Variants in DCHS1 observed in about 807,000 individuals in gnomAD.
The protein encoded by DCHS1 is protocadherin-16.
DCHS1 carries 78 observed loss-of-function variants against 213.9 expected under a neutral mutation model. That is an observed-to-expected ratio of 0.36 (90% CI 0.30 to 0.44). The LOEUF is 0.44. Among genes scored for constraint, DCHS1 ranks in the 20% least tolerant of loss-of-function variants. The pLI is 1.00. For synonymous variants in DCHS1, 1,828 were observed against 1,873.7 expected, an observed-to-expected ratio of 0.98 and a Z score of 0.63; for missense variants, 3,946 against 4,395.9, an observed-to-expected ratio of 0.90 and a Z score of 2.89.
At position 6,626,380 on chromosome 11, in the gene DCHS1, C is replaced by G. The variant is rs1855804498; in HGVS notation, c.6365G>C (p.Gly2122Ala). 1 of 1,612,882 alleles carries G rather than the reference C, an allele frequency of 6.2e-7. No individual in the cohort carries two copies. Among genetic ancestry groups the G allele is most frequent in the Non-Finnish European group, 8.5e-7 (1 of 1,179,462 alleles). Residue 2122 changes from glycine (G) to alanine (A), a missense_variant and splice_region_variant, in exon 16 of 21, where the codon GGT (glycine) becomes GCT (alanine). By Grantham distance (60) the Gly-to-Ala change is moderately conservative (BLOSUM62 0). This residue lies in a region of DCHS1 where 3,384 missense variants were observed against 3,780.1 expected (regional missense o/e 0.90). Coordinates refer to ENST00000299441, the MANE Select transcript of DCHS1 (RefSeq NM_003737.4). The surrounding 1 kb of genome is among the most constrained non-coding windows in gnomAD (Gnocchi z 5.2). Reference protein sequence around the residue: ...KGTFSIQPSTGAITVRSAEGL... With the variant: ...KGTFSIQPSTAAITVRSAEGL... ...CTCTGCTGAGCGAACTGTGATGGCA[C>G]CTGGGCGAGATAGAATGCATCAGTG... is the stretch of plus-strand genomic sequence containing the variant.
chr11:6,629,130 G>A (rs759624704), intron 12 of DCHS1, among the ~76,000 whole-genome samples: 1 of 152,234 alleles, frequency 6.6e-6, no homozygotes, highest in Non-Finnish European at 1.5e-5. Flanking sequence ...GCATGAGCTT[G>A]AGCAAGTCAC....
At chr11:6,643,921 T>C (rs901093648) in intron 1 of DCHS1, among the ~76,000 whole-genome samples, 1 of 152,166 alleles carries the variant, frequency 6.6e-6, no homozygotes, top group African/African-American at 2.4e-5. Flanking sequence ...CTTGTGTCCT[T>C]GCTTATCCTC....
chr11:6,631,604 C>A lies in DCHS1; in HGVS notation c.3675+12G>T. The stretch of plus-strand genomic sequence containing the variant: ...CACACTTCTCAGGACAAAGTCCTGC[C>A]ACTTCACATACCTGTATAGGGAGGC... On this transcript the variant is annotated intron_variant, in intron 7 of 20. Transcript: ENST00000299441. The A allele has an allele frequency of 6.4e-7, 1 of 1,563,646 alleles. No individual in the cohort carries two copies. The highest frequency in any genetic ancestry group is 1.9e-4 in the Middle Eastern group (1 of 5,334).
At chr11:6,653,701 G>A (rs905125260) in intron 1 of DCHS1, among the ~76,000 whole-genome samples, 1 of 152,120 alleles carries the variant, frequency 6.6e-6, no homozygotes, top group Admixed American at 6.5e-5. Flanking sequence ...CTAGTTAGGG[G>A]CAATAATTTG....
chr11:6,626,463 G>T lies in DCHS1; in HGVS notation c.6365-83C>A, dbSNP rs1855806113. 6.2e-7 allele frequency: 1 copy of T among 1,603,020 alleles called. No homozygotes were observed. On this transcript the variant is annotated intron_variant, in intron 15 of 20. Transcript: ENST00000299441. This position sits in a 1 kb window ranked among gnomAD's most constrained non-coding sequence, Gnocchi z 5.2. ...CTCTAAGACCCCTTACTCAAGGACAGCCCTTCACCCATCAAAGGCTCCTCT... is the reference window on the plus strand; with the variant it reads ...CTCTAAGACCCCTTACTCAAGGACATCCCTTCACCCATCAAAGGCTCCTCT...
chr11:6,630,533 G>C lies in DCHS1; in HGVS notation c.4261C>G (p.Arg1421Gly). The change falls in exon 10 of 21, where the codon CGA becomes GGA. Residue 1421 changes from arginine (R) to glycine (G), a missense_variant. Physicochemically the swap from Arg to Gly is moderately radical, Grantham distance 125. This residue lies in a region of DCHS1 where 3,384 missense variants were observed against 3,780.1 expected (regional missense o/e 0.90). Coordinates refer to ENST00000299441, the MANE Select transcript of DCHS1 (RefSeq NM_003737.4). ...GPGGAGARLL[R>G]VQVQVQDENE... ...TCGTCCTGCACTTGCACCTGCACTC[G>C]CAGCAGCCGCGCGCCCGCGCCTCCC... is the stretch of plus-strand genomic sequence containing the variant. 1.3e-6 allele frequency: 2 copies of C among 1,532,204 alleles called. No homozygotes were observed. The highest frequency in any genetic ancestry group is 1.7e-6 in the Non-Finnish European group (2 of 1,146,018). The allele number at this position is 1,532,204 out of a possible 1,614,324, so 94.9% of individuals were successfully genotyped here.
At chr11:6,636,333 C>T (rs947104320) in intron 2 of DCHS1, among the ~76,000 whole-genome samples, 5 of 152,260 alleles carry the variant, frequency 3.3e-5, no homozygotes, top group South Asian at 2.1e-4. Context: ...CCTTAGCCTC[C>T]GGAACAACTA....
intron 1 of DCHS1, among the ~76,000 whole-genome samples, chr11:6,653,997 T>C (rs1311007238): frequency 2.0e-5 from 3 of 151,982 alleles, no homozygotes; most frequent in Admixed American, 6.6e-5. Context: ...GGGAGGAAGG[T>C]AACAGGAGCT....
At chr11:6,647,411 T>A (rs1856178843) in intron 1 of DCHS1, among the ~76,000 whole-genome samples, 1 of 152,006 alleles carries the variant, frequency 6.6e-6, no homozygotes, top group South Asian at 2.1e-4. Context: ...TCCCTGGATA[T>A]CCCTGGGACA....
At position 6,627,807 on chromosome 11, in the gene DCHS1, T is replaced by C. The variant is rs1855836625; in HGVS notation, c.5372-140A>G. 8 of 1,005,654 alleles carry C rather than the reference T, an allele frequency of 8.0e-6. No homozygotes were observed. The Admixed American group carries it at 8.7e-5, about 11-fold the overall frequency. 62.3% of individuals were successfully genotyped at this position (1,005,654 alleles called of 1,614,324 possible). ...AAGGAAGAAAAACAGAAACAGAAAG[T>C]AAAAGAAGATACTATAAAGCAGCTG... is the stretch of plus-strand genomic sequence containing the variant. On this transcript the variant is annotated intron_variant, in intron 13 of 20. Coordinates refer to ENST00000299441, the MANE Select transcript of DCHS1 (RefSeq NM_003737.4). This position sits in a 1 kb window ranked among gnomAD's most constrained non-coding sequence, Gnocchi z 5.4.
chr11:6,650,584 C>A (rs1420776747), intron 1 of DCHS1, among the ~76,000 whole-genome samples: 1 of 152,212 alleles, frequency 6.6e-6, no homozygotes, highest in East Asian at 1.9e-4. Context: ...AATCAAGGAA[C>A]CTAATATGGG....
Position 6,632,452 on chromosome 11 carries a change from C to T in DCHS1, c.3060G>A (p.Leu1020=), listed in dbSNP as rs1444014968. The T allele has an allele frequency of 1.3e-6, 2 of 1,599,638 alleles. No individual in the cohort carries two copies. Among genetic ancestry groups the T allele is most frequent in the South Asian group, 2.2e-5 (2 of 89,426 alleles). Reference sequence around the variant, plus strand: ...CATCTGGTGCTTGGGCCTGCACTTGCAGGACCTGAGTTCCAGCAGTGGTGC... The same window carrying T: ...CATCTGGTGCTTGGGCCTGCACTTGTAGGACCTGAGTTCCAGCAGTGGTGC... ...PSGTTAGTQV[L]QVQAQAPDGG... The change falls in exon 6 of 21, where the codon CTG becomes CTA. Residue 1020 remains leucine, a synonymous_variant. Coordinates refer to ENST00000299441, the MANE Select transcript of DCHS1 (RefSeq NM_003737.4). The surrounding 1 kb of genome is among the most constrained non-coding windows in gnomAD (Gnocchi z 5.9).
chr11:6,640,073 G>C lies in DCHS1; in HGVS notation c.1541C>G (p.Pro514Arg). 1 of 1,613,978 alleles carries C rather than the reference G, an allele frequency of 6.2e-7. No individual in the cohort carries two copies. The highest frequency in any genetic ancestry group is 8.5e-7 in the Non-Finnish European group (1 of 1,179,870). Residue 514 changes from proline (P) to arginine (R), a missense_variant, in exon 2 of 21, where the codon CCT becomes CGT. Transcript: ENST00000299441. This position sits in a 1 kb window ranked among gnomAD's most constrained non-coding sequence, Gnocchi z 6.5. The stretch of plus-strand genomic sequence containing the variant: ...GGAGAACCAGTGGGTGTGGGCGCCA[G>C]GGGCTAGGCTATAAGTGACCTGACC... ...TNGQVTYSLA[P>R]GAHTHWFSID...
chr11:6,646,017 A>G (rs1589962894), intron 1 of DCHS1, among the ~76,000 whole-genome samples: 1 of 151,294 alleles, frequency 6.6e-6, no homozygotes. Flanking sequence ...CATGGAACCC[A>G]CCCCCACACG....
rs367960418 is a variant in DCHS1, at chr11:6,630,129, T to C, written c.4665A>G (p.Pro1555=). 8.7e-6 allele frequency: 14 copies of C among 1,605,540 alleles called. No homozygotes were observed. The highest frequency in any genetic ancestry group is 2.7e-5 in the African/African-American group (2 of 74,676). ...VFASPSRVRL[P]EDQPPGPAAL... ...CCGCGGGCCCAGGCGGCTGGTCCTC[T>C]GGGAGGCGCACGCGTGACGGCGAGG... is the stretch of plus-strand genomic sequence containing the variant. Residue 1555 remains proline, a synonymous_variant, in exon 10 of 21, where the codon CCA becomes CCG. Coordinates refer to ENST00000299441, the MANE Select transcript of DCHS1 (RefSeq NM_003737.4).
In DCHS1 at chr11:6,655,771, C is replaced by T; in HGVS notation, c.-329G>A. 1.0e-6 allele frequency: 1 copy of T among 980,114 alleles called. No homozygotes were observed. Among genetic ancestry groups the T allele is most frequent in the Non-Finnish European group, 1.2e-6 (1 of 827,886 alleles). The allele number at this position is 980,114 out of a possible 1,614,324, so 60.7% of individuals were successfully genotyped here. On this transcript the variant is annotated 5_prime_UTR_variant, in exon 1 of 21. Transcript: ENST00000299441. ...CCGTCCGCTGACGCCCGGGCGCCGCCTCCTGCACAGCCGCCCCGCCGAGGA... is the reference window on the plus strand; with the variant it reads ...CCGTCCGCTGACGCCCGGGCGCCGCTTCCTGCACAGCCGCCCCGCCGAGGA...
chr11:6,652,146 A>G (rs1335084048), intron 1 of DCHS1, among the ~76,000 whole-genome samples: 1 of 152,222 alleles, frequency 6.6e-6, no homozygotes, highest in Non-Finnish European at 1.5e-5. Context: ...AGAGATACAT[A>G]CCATAATGTA....
rs759617544 is a variant in DCHS1, at chr11:6,626,959, A to C, written c.6080T>G (p.Val2027Gly). The C allele has an allele frequency of 1.2e-6, 2 of 1,613,748 alleles. No individual in the cohort carries two copies. The highest frequency in any genetic ancestry group is 3.3e-5 in the Admixed American group (2 of 60,014). Residue 2027 changes from valine to glycine, a missense_variant, in exon 14 of 21, where the codon GTA becomes GGA. Val to Gly is a moderately radical substitution (Grantham distance 109, BLOSUM62 -3). Coordinates refer to ENST00000299441, the MANE Select transcript of DCHS1 (RefSeq NM_003737.4). The surrounding 1 kb of genome is among the most constrained non-coding windows in gnomAD (Gnocchi z 5.2). ...TGEIRVARSP[V>G]ALGPRDRVLF... The stretch of plus-strand genomic sequence containing the variant: ...GACACGATCTCGGGGGCCTAGAGCT[A>C]CAGGAGAGCGGGCCACGCGGATTTC...
At position 6,628,518 on chromosome 11, in the gene DCHS1, G is replaced by C; in HGVS notation, c.5371+103C>G. On this transcript the variant is annotated intron_variant, in intron 13 of 20. Coordinates refer to ENST00000299441, the MANE Select transcript of DCHS1 (RefSeq NM_003737.4). This position sits in a 1 kb window ranked among gnomAD's most constrained non-coding sequence, Gnocchi z 4.3. The stretch of plus-strand genomic sequence containing the variant: ...AGAAAAGGTGGACGACATCAAGAGG[G>C]AAAAGGAGACCCAGACACATGCACT... The C allele has an allele frequency of 7.5e-7, 1 of 1,337,016 alleles. No homozygotes were observed. Among genetic ancestry groups the C allele is most frequent in the Admixed American group, 1.8e-5 (1 of 55,096 alleles). The allele number at this position is 1,337,016 out of a possible 1,614,324, so 82.8% of individuals were successfully genotyped here. A position where few individuals can be genotyped will look rare whatever the true frequency, so the allele number is the denominator to read the frequency against.
Sources: gnomAD v4.1 joint callset for allele counts (sites outside exome capture counted in the v4.1 genomes callset) on GRCh38, gnomAD v4.1.1 for gene constraint, gnomAD v4.1.1 regional missense constraint, Gnocchi (gnomAD v3.1) non-coding constraint, MANE v1.5 for transcripts, NCBI Gene and HGNC (gene_info 2026-07-23, HGNC 2026-07-21) for gene names.